ZNF329: variants seen among roughly 807,000 people sequenced by gnomAD.
ZNF329 encodes zinc finger protein 329.
In ZNF329, 15 loss-of-function variants were observed where a neutral mutation model predicts 26.6. The observed-to-expected ratio is 0.56, with a 90% CI of 0.38 to 0.87. The LOEUF (loss-of-function observed/expected upper bound fraction) is 0.87, where lower values mean the gene tolerates loss of function less well. Among genes scored for constraint, ZNF329 ranks in the 40% least tolerant of loss-of-function variants. The pLI, the probability that ZNF329 is intolerant of heterozygous loss-of-function variation, is 0.00. For missense variants in ZNF329, 651 were observed against 651.9 expected (o/e 1.00, Z 0.02); for synonymous variants, 239 against 233.5 (o/e 1.02, Z -0.21).
At position 58,150,364 on chromosome 19, in the gene ZNF329, G is replaced by A. The variant is rs374053180; in HGVS notation, c.-208+388C>T. On this transcript the variant is annotated intron_variant, in intron 1 of 3. Transcript: ENST00000598312. ...GCCCCTCACACCTGACAGAAAAGCT[G>A]CAGACTCGGGGGTTACCCCCGGAGA... Among the ~76,000 whole-genome samples the A allele has an allele frequency of 2.0e-5, 3 of 152,212 alleles. No individual in the cohort carries two copies. In the East Asian group the frequency reaches 5.8e-4, roughly 29 times the overall value.
chr19:58,128,528 C>T lies in ZNF329; in HGVS notation c.976G>A (p.Asp326Asn). The change falls in exon 4 of 4, where the codon GAC (aspartate) becomes AAC (asparagine). Residue 326 changes from aspartate to asparagine, a missense_variant. By Grantham distance (23) the Asp-to-Asn change is conservative. Coordinates refer to ENST00000598312, the MANE Select transcript of ZNF329 (RefSeq NM_024620.4). ...RCNECGKPFT[D>N]ISHLTVHLRI... is the part of the protein sequence containing the mutation. ...AGATGCACTGTAAGGTGGGAGATGT[C>T]AGTGAAGGGTTTCCCACATTCGTTA... 1 of 1,614,068 alleles carries T rather than the reference C, an allele frequency of 6.2e-7. No homozygotes were observed. The highest frequency in any genetic ancestry group is 8.5e-7 in the Non-Finnish European group (1 of 1,179,990).
intron 3 of ZNF329, among the ~76,000 whole-genome samples, chr19:58,136,043 C>G (rs1038896611): frequency 1.2e-4 from 18 of 151,802 alleles, no homozygotes; most frequent in African/African-American, 4.4e-4. Flanking sequence ...CCAGCCTGGC[C>G]AATATAGTGA....
At chr19:58,144,934 C>T (rs771921908) in intron 1 of ZNF329, among the ~76,000 whole-genome samples, 62 of 149,524 alleles carry the variant, frequency 4.1e-4, no homozygotes, top group Admixed American at 8.7e-4. Context: ...ACTGCAAGCT[C>T]TGCCTCCCGG....
intron 3 of ZNF329, 103 bp from the exon 4 acceptor site, chr19:58,129,614 T>C (rs1292412053): frequency 2.8e-6 from 3 of 1,056,062 alleles, no homozygotes; most frequent in African/African-American, 1.6e-5. Flanking sequence ...ATTTTTTTAC[T>C]TGTTTTCTCT....
chr19:58,131,590 T>C (rs2074945176), intron 3 of ZNF329, among the ~76,000 whole-genome samples: 1 of 152,072 alleles, frequency 6.6e-6, no homozygotes, highest in African/African-American at 2.4e-5. Context: ...TAGAGGATTC[T>C]TACAGAGAGA....
chr19:58,129,256 T>C lies in ZNF329; in HGVS notation c.248A>G (p.Gln83Arg), dbSNP rs1223457266. The C allele has an allele frequency of 1.2e-6, 2 of 1,614,226 alleles. No individual in the cohort carries two copies. Among genetic ancestry groups the C allele is most frequent in the South Asian group, 2.2e-5 (2 of 91,084 alleles). Residue 83 changes from glutamine to arginine, a missense_variant, in exon 4 of 4, where the codon CAG becomes CGG. Transcript: ENST00000598312. ...GAAACCATTTGTTGCCAGAACTCTC[T>C]GAGACGGTGGAAGGTCTGAGCTTGC... Reference protein sequence around the residue: ...LIASSDLPPSQRVLATNGFHA... With the variant: ...LIASSDLPPSRRVLATNGFHA...
intron 3 of ZNF329, among the ~76,000 whole-genome samples, chr19:58,135,562 G>A (rs1600065892): frequency 6.6e-6 from 1 of 152,164 alleles, no homozygotes; most frequent in South Asian, 2.1e-4. Flanking sequence ...CACTGCACCC[G>A]GCAGGTGGGA....
intron 1 of ZNF329, among the ~76,000 whole-genome samples, chr19:58,143,838 T>C (rs1253942080): frequency 6.6e-6 from 1 of 152,114 alleles, no homozygotes; most frequent in Non-Finnish European, 1.5e-5. Flanking sequence ...CCCAGGACTT[T>C]GGGAGGCCGA....
chr19:58,149,236 C>T lies in ZNF329; in HGVS notation c.-208+1516G>A, dbSNP rs113731368. ...CATGAATAATCCACCCCTTGTTTAG[C>T]ATATAATCAAGAAATAACCATAAAA... On this transcript the variant is annotated intron_variant, in intron 1 of 3. Transcript: ENST00000598312. 9.1e-3 allele frequency among the ~76,000 whole-genome samples: 1,390 copies of T among 152,310 alleles called. 16 individuals carry two copies. Among genetic ancestry groups the T allele is most frequent in the African/African-American group, 0.031 (1,275 of 41,566 alleles).
chr19:58,147,612 G>A lies in ZNF329; in HGVS notation c.-208+3140C>T, dbSNP rs866586554. Reference sequence around the variant, plus strand: ...AGGGAGGTGGGGGGGTCAGCCCTCCGCCTGGCCAGACGCCCCGTCCAGGAG... The same window carrying A: ...AGGGAGGTGGGGGGGTCAGCCCTCCACCTGGCCAGACGCCCCGTCCAGGAG... On this transcript the variant is annotated intron_variant, in intron 1 of 3. Coordinates refer to ENST00000598312, the MANE Select transcript of ZNF329 (RefSeq NM_024620.4). Among the ~76,000 whole-genome samples the A allele has an allele frequency of 2.0e-4, 27 of 135,984 alleles. 1 individual carries two copies. Among genetic ancestry groups the A allele is most frequent in the African/African-American group, 3.3e-4 (11 of 33,450 alleles). 89.2% of individuals were successfully genotyped at this position (135,984 alleles called of 152,430 possible). A position where few individuals can be genotyped will look rare whatever the true frequency, so the allele number is the denominator to read the frequency against.
chr19:58,137,069 A>AC (rs2075087646), intron 3 of ZNF329: 1 of 164,416 alleles, frequency 6.1e-6, no homozygotes, highest in Admixed American at 5.8e-5. Flanking sequence ...AAAAAAAAAA[A>AC]AAAAACAGTT....
At chr19:58,131,111 A>ATGTGTG (rs1555806890) in intron 3 of ZNF329, among the ~76,000 whole-genome samples, 1 of 147,510 alleles carries the variant, frequency 6.8e-6, no homozygotes, top group African/African-American at 2.5e-5. Flanking sequence ...ATACATGTAT[A>ATGTGTG]TGTGTATATG....
intron 1 of ZNF329, among the ~76,000 whole-genome samples, chr19:58,146,364 C>T (rs1220703083): frequency 6.6e-6 from 1 of 152,026 alleles, no homozygotes. Context: ...ATTCCAGCTA[C>T]TTGGGAGGCT....
At chr19:58,135,273 T>C (rs1451459777) in intron 3 of ZNF329, among the ~76,000 whole-genome samples, 1 of 151,674 alleles carries the variant, frequency 6.6e-6, no homozygotes, top group Admixed American at 6.6e-5. Flanking sequence ...TTTTATCTAT[T>C]TAATTTTTTT....
chr19:58,152,721 G>A (rs893540505), upstream of ZNF329, among the ~76,000 whole-genome samples: 2 of 152,102 alleles, frequency 1.3e-5, no homozygotes, highest in African/African-American at 4.8e-5. Flanking sequence ...GCCGGGGGTG[G>A]TGGCGGGTGC....
chr19:58,152,313 T>G (rs1425998529), upstream of ZNF329, among the ~76,000 whole-genome samples: 1 of 151,692 alleles, frequency 6.6e-6, no homozygotes, highest in African/African-American at 2.4e-5. Flanking sequence ...GGGGATCACC[T>G]GAGGTCAGGA....
At chr19:58,134,791 G>T (rs930311509) in intron 3 of ZNF329, among the ~76,000 whole-genome samples, 1 of 151,988 alleles carries the variant, frequency 6.6e-6, no homozygotes, top group Non-Finnish European at 1.5e-5. Context: ...AAAAATTAGC[G>T]AGGCATGGTG....
intron 3 of ZNF329, among the ~76,000 whole-genome samples, chr19:58,136,521 A>G (rs2075069546): frequency 6.6e-6 from 1 of 151,846 alleles, no homozygotes. Context: ...GAAAGAAAAA[A>G]AAAGTTAGCT....
intron 1 of ZNF329, among the ~76,000 whole-genome samples, chr19:58,148,017 A>G (rs2075364714): frequency 2.0e-5 from 3 of 152,220 alleles, no homozygotes; most frequent in South Asian, 2.1e-4. Flanking sequence ...GAAAGTAGAC[A>G]TGGGAGACTT....
Sources: allele counts gnomAD v4.1 joint callset (sites outside exome capture counted in the v4.1 genomes callset), GRCh38; gene constraint gnomAD v4.1.1; transcripts MANE v1.5; gene names NCBI Gene and HGNC (gene_info 2026-07-23, HGNC 2026-07-21).